Variants in CACNA2D3 observed in about 807,000 individuals in gnomAD.
CACNA2D3 encodes calcium voltage-gated channel auxiliary subunit alpha2delta 3.
In CACNA2D3, 60 loss-of-function variants were observed where a neutral mutation model predicts 160.6. The ratio of observed to expected loss-of-function variants is 0.37; its 90% CI spans 0.30 to 0.46. CACNA2D3 has a LOEUF of 0.46. Among genes scored for constraint, CACNA2D3 ranks in the 20% least tolerant of loss-of-function variants. CACNA2D3 has a pLI of 1.00. For missense variants in CACNA2D3, 1,205 were observed against 1,365.0 expected (o/e 0.88, Z 1.85); for synonymous variants, 558 against 492.9 (o/e 1.13, Z -1.75).
At position 54,830,167 on chromosome 3, in the gene CACNA2D3, ACTCCTGAC is replaced by A. The variant is rs1226225664; in HGVS notation, c.1399-6988_1399-6981del. ...ACCATCTTGGCCAGGCTGATCTTGA[ACTCCTGAC>A]CTCATGATCCACCTGCCTTGGCCTC... On this transcript the variant is annotated intron_variant, in intron 14 of 37. Coordinates refer to ENST00000474759, the MANE Select transcript of CACNA2D3 (RefSeq NM_018398.3). Among the ~76,000 whole-genome samples, 48 of 150,616 alleles carry A rather than the reference ACTCCTGAC, an allele frequency of 3.2e-4. 1 individual carries two copies. Among genetic ancestry groups the A allele is most frequent in the Non-Finnish European group, 1.5e-5 (1 of 67,690 alleles).
At chr3:54,467,962 G>A (rs77017157) in intron 4 of CACNA2D3, among the ~76,000 whole-genome samples, 2,962 of 152,288 alleles carry the variant, frequency 0.019, 77 homozygotes, top group East Asian at 0.11. Context: ...GTGTATGCAT[G>A]TGTCAAAACA....
intron 11 of CACNA2D3, among the ~76,000 whole-genome samples, chr3:54,741,784 C>G (rs1419259020): frequency 6.6e-6 from 1 of 152,004 alleles, no homozygotes; most frequent in East Asian, 1.9e-4. Flanking sequence ...ACCTTGATAG[C>G]CAGTGAGATA....
intron 4 of CACNA2D3, among the ~76,000 whole-genome samples, chr3:54,462,007 T>G (rs1700514696): frequency 6.6e-6 from 1 of 152,210 alleles, no homozygotes; most frequent in Non-Finnish European, 1.5e-5. Flanking sequence ...AAAGAACATC[T>G]TTATTTCTGC....
intron 29 of CACNA2D3, among the ~76,000 whole-genome samples, chr3:54,974,407 C>T (rs1702338153): frequency 6.6e-6 from 1 of 152,218 alleles, no homozygotes; most frequent in Non-Finnish European, 1.5e-5. Flanking sequence ...TTTGAGGTCA[C>T]ACCGACAGCA....
At chr3:54,515,214 GAGAGAGAA>G (rs1701531075) in intron 5 of CACNA2D3, among the ~76,000 whole-genome samples, 2 of 151,506 alleles carry the variant, frequency 1.3e-5, no homozygotes, top group Admixed American at 1.3e-4. Context: ...GAGAGAGAGA[GAGAGAGAA>G]AGAGAGAGAG....
At chr3:54,758,545 T>C (rs758547090) in intron 12 of CACNA2D3, among the ~76,000 whole-genome samples, 1 of 152,178 alleles carries the variant, frequency 6.6e-6, no homozygotes, top group Non-Finnish European at 1.5e-5. Context: ...TGTTTATAAA[T>C]TGTACCTTTT....
At chr3:54,493,019 T>TATAAATAA (rs374106341) in intron 4 of CACNA2D3, among the ~76,000 whole-genome samples, 2 of 150,774 alleles carry the variant, frequency 1.3e-5, no homozygotes, top group Non-Finnish European at 2.9e-5. Flanking sequence ...ACATATGAGT[T>TATAAATAA]ATAAATAAAT....
chr3:54,525,349 T>C (rs1162031898), intron 5 of CACNA2D3, among the ~76,000 whole-genome samples: 1 of 152,128 alleles, frequency 6.6e-6, no homozygotes, highest in Non-Finnish European at 1.5e-5. Context: ...ATTTAGTCAA[T>C]TAAGAAAGGT....
chr3:54,948,225 A>G (rs189449001), intron 27 of CACNA2D3, among the ~76,000 whole-genome samples: 71 of 152,318 alleles, frequency 4.7e-4, no homozygotes, highest in African/African-American at 1.7e-3. Flanking sequence ...TTTTGACTAG[A>G]AAAGTATGTG....
At chr3:54,909,513 G>A (rs745622948) in intron 27 of CACNA2D3, among the ~76,000 whole-genome samples, 1 of 152,092 alleles carries the variant, frequency 6.6e-6, no homozygotes, top group East Asian at 1.9e-4. Flanking sequence ...AAAAAGGGAC[G>A]GGCATGAGCA....
intron 11 of CACNA2D3, among the ~76,000 whole-genome samples, chr3:54,706,798 C>A (rs1352940964): frequency 6.6e-6 from 1 of 152,178 alleles, no homozygotes; most frequent in Non-Finnish European, 1.5e-5. Flanking sequence ...CTGACTGTGC[C>A]AGAATCCCAT....
chr3:54,987,504 T>C (rs994462074), intron 30 of CACNA2D3, among the ~76,000 whole-genome samples, 179 bp from the exon 31 acceptor site: 1 of 152,176 alleles, frequency 6.6e-6, no homozygotes. Flanking sequence ...ACATCTGCTC[T>C]CTAGTTTGCT....
At chr3:54,378,400 C>T (rs975146426) in intron 3 of CACNA2D3, among the ~76,000 whole-genome samples, 2 of 152,148 alleles carry the variant, frequency 1.3e-5, no homozygotes, top group African/African-American at 4.8e-5. Flanking sequence ...CAGTGATGCT[C>T]GCAGGCCCTC....
At chr3:54,965,557 C>T (rs1230577105) in intron 27 of CACNA2D3, among the ~76,000 whole-genome samples, 2 of 152,202 alleles carry the variant, frequency 1.3e-5, no homozygotes, top group Non-Finnish European at 2.9e-5. Flanking sequence ...TACTCCTCAA[C>T]TGGACGTGGA....
intron 13 of CACNA2D3, among the ~76,000 whole-genome samples, chr3:54,804,763 A>G (rs1238827888): frequency 6.6e-6 from 1 of 152,182 alleles, no homozygotes; most frequent in Non-Finnish European, 1.5e-5. Flanking sequence ...TTGCAGCACC[A>G]CACCACACCT....
intron 11 of CACNA2D3, among the ~76,000 whole-genome samples, chr3:54,718,707 C>T (rs1433431794): frequency 3.3e-5 from 5 of 151,948 alleles, no homozygotes; most frequent in Admixed American, 2.6e-4. Context: ...TTGATTTCTA[C>T]AAAATAATCT....
chr3:54,679,461 A>G (rs909734524), intron 11 of CACNA2D3, among the ~76,000 whole-genome samples: 1 of 152,192 alleles, frequency 6.6e-6, no homozygotes, highest in Non-Finnish European at 1.5e-5. Flanking sequence ...CTCTGTGTGC[A>G]TCAATCCCTG....
chr3:54,208,374 C>T (rs904527349), intron 2 of CACNA2D3, among the ~76,000 whole-genome samples: 3 of 152,194 alleles, frequency 2.0e-5, no homozygotes, highest in African/African-American at 7.2e-5. Context: ...TTCCAAAGTG[C>T]TGAGATTACA....
At chr3:54,812,881 C>A (rs1703355718) in intron 13 of CACNA2D3, among the ~76,000 whole-genome samples, 1 of 152,156 alleles carries the variant, frequency 6.6e-6, no homozygotes, top group South Asian at 2.1e-4. Context: ...AATATCTAAT[C>A]CAGAGATTCA....
Sources: allele counts gnomAD v4.1 joint callset (sites outside exome capture counted in the v4.1 genomes callset), GRCh38; gene constraint gnomAD v4.1.1; transcripts MANE v1.5; gene names NCBI Gene and HGNC (gene_info 2026-07-23, HGNC 2026-07-21).